Variants in PHF14 observed in about 807,000 individuals in gnomAD.
The protein encoded by PHF14 is PHD finger protein 14.
In PHF14, 55 loss-of-function variants were observed where a neutral mutation model predicts 117.9. The ratio of observed to expected loss-of-function variants is 0.47; its 90% confidence interval spans 0.38 to 0.58. The LOEUF (loss-of-function observed/expected upper bound fraction) is 0.58. PHF14 is among the 20% of genes least tolerant of loss of function. The pLI is 0.00. For synonymous variants in PHF14, 409 were observed against 368.6 expected (o/e 1.11, Z -1.26); for missense variants, 978 against 1,122.2 (o/e 0.87, Z 1.84).
intron 4 of PHF14, among the ~76,000 whole-genome samples, chr7:10,995,732 G>C (rs985686586): frequency 6.6e-6 from 1 of 152,216 alleles, no homozygotes; most frequent in Non-Finnish European, 1.5e-5. Context: ...GAATTTGAGA[G>C]CAGCGCCGGC....
chr7:11,004,157 G>A (rs1721143784), intron 4 of PHF14, among the ~76,000 whole-genome samples: 1 of 150,400 alleles, frequency 6.6e-6, no homozygotes, highest in Non-Finnish European at 1.5e-5. Flanking sequence ...CTGAGGCAGA[G>A]GATCGCTTGA....
intron 16 of PHF14, among the ~76,000 whole-genome samples, chr7:11,096,502 C>G (rs899339498): frequency 2.0e-5 from 3 of 152,072 alleles, no homozygotes; most frequent in Non-Finnish European, 4.4e-5. Flanking sequence ...GTTCCACTTA[C>G]AGGAGAAAGG....
chr7:11,095,644 AG>A, intron 16 of PHF14, among the ~76,000 whole-genome samples: 1 of 152,286 alleles, frequency 6.6e-6, no homozygotes, highest in South Asian at 2.1e-4. Flanking sequence ...ATGTTTTTTC[AG>A]TGGATTTTAA....
At chr7:11,101,540 A>G (rs1787092775) in intron 16 of PHF14, among the ~76,000 whole-genome samples, 1 of 151,910 alleles carries the variant, frequency 6.6e-6, no homozygotes, top group Non-Finnish European at 1.5e-5. Context: ...TATGTTGATA[A>G]ATACAACATG....
chr7:11,063,512 G>C, intron 16 of PHF14: 1 of 982,186 alleles, frequency 1.0e-6, no homozygotes, highest in Non-Finnish European at 1.2e-6. Context: ...CTATGATTTT[G>C]AAACAGTAGT....
chr7:11,063,202 TA>T (rs1785296642), intron 16 of PHF14: 1 of 982,256 alleles, frequency 1.0e-6, no homozygotes. Context: ...AGAAAGTTTA[TA>T]ATAATTGGCT....
chr7:11,005,143 A>G (rs1423120796), intron 4 of PHF14, among the ~76,000 whole-genome samples: 1 of 152,008 alleles, frequency 6.6e-6, no homozygotes, highest in Non-Finnish European at 1.5e-5. Context: ...CTGTGGGGTA[A>G]TAACTTTGAG....
At chr7:11,120,606 A>G (rs953511537) in intron 17 of PHF14, among the ~76,000 whole-genome samples, 12 of 152,014 alleles carry the variant, frequency 7.9e-5, no homozygotes, top group Non-Finnish European at 1.3e-4. Context: ...TTTTTAAACC[A>G]TGGCATTCAT....
At chr7:11,020,330 T>C (rs1209777812) in intron 5 of PHF14, among the ~76,000 whole-genome samples, 1 of 152,130 alleles carries the variant, frequency 6.6e-6, no homozygotes, top group African/African-American at 2.4e-5. Context: ...GCTCAAGCAG[T>C]CCTCCCACCT....
chr7:11,129,978 A>G (rs901718504), intron 17 of PHF14, among the ~76,000 whole-genome samples: 6 of 152,046 alleles, frequency 3.9e-5, no homozygotes, highest in Admixed American at 2.0e-4. Context: ...AGAAGTATTA[A>G]TTAGGATATG....
rs1411256241 is a variant in PHF14, at chr7:11,042,665, T to C, written c.2181-18T>C. The C allele has an allele frequency of 1.3e-6, 2 of 1,538,228 alleles. No individual in the cohort carries two copies. The highest frequency in any genetic ancestry group is 1.8e-6 in the Non-Finnish European group (2 of 1,135,466). On this transcript the variant is annotated intron_variant, in intron 12 of 17. Transcript: ENST00000634607. Reference sequence around the variant, plus strand: ...GATAATTATTATTGAAATCTTTACTTGCTGCCTTTATTAAAAGTTGTGGGA... The same window carrying C: ...GATAATTATTATTGAAATCTTTACTCGCTGCCTTTATTAAAAGTTGTGGGA...
chr7:11,151,276 C>T (rs1015093347), intron 17 of PHF14, among the ~76,000 whole-genome samples: 3 of 152,188 alleles, frequency 2.0e-5, no homozygotes, highest in African/African-American at 7.2e-5. Context: ...TAACTTCAGG[C>T]CAGGCACAGT....
intron 17 of PHF14, among the ~76,000 whole-genome samples, chr7:11,122,952 T>C (rs1408080898): frequency 6.6e-6 from 1 of 152,216 alleles, no homozygotes; most frequent in African/African-American, 2.4e-5. Context: ...AGAATCTTCC[T>C]CTATTATTCT....
intron 7 of PHF14, among the ~76,000 whole-genome samples, chr7:11,034,481 A>G (rs1206884107): frequency 6.6e-6 from 1 of 151,522 alleles, no homozygotes; most frequent in Non-Finnish European, 1.5e-5. Flanking sequence ...TTTTAGGGAA[A>G]GAGTTAAGGG....
intron 11 of PHF14, among the ~76,000 whole-genome samples, chr7:11,040,181 G>GAT (rs1784454131): frequency 6.6e-6 from 1 of 151,990 alleles, no homozygotes; most frequent in Admixed American, 6.6e-5. Flanking sequence ...AAATGACTTT[G>GAT]ATAGATGGTT....
intron 16 of PHF14, among the ~76,000 whole-genome samples, chr7:11,068,108 C>T (rs536488376): frequency 6.6e-6 from 1 of 151,972 alleles, no homozygotes; most frequent in Non-Finnish European, 1.5e-5. Flanking sequence ...CCCAGCACTT[C>T]GGAAGGCCAA....
At chr7:11,059,345 A>G (rs17149834) in intron 14 of PHF14, among the ~76,000 whole-genome samples, 1,986 of 152,324 alleles carry the variant, frequency 0.013, 43 homozygotes, top group East Asian at 0.1. Context: ...CATTACCTAA[A>G]AGATGAGTTG....
At position 11,062,010 on chromosome 7, in the gene PHF14, A is replaced by C; in HGVS notation, c.2579A>C (p.Lys860Thr). 6.2e-7 allele frequency: 1 copy of C among 1,605,590 alleles called. No individual in the cohort carries two copies. The highest frequency in any genetic ancestry group is 1.1e-5 in the South Asian group (1 of 89,432). The change falls in exon 16 of 18, where the codon AAG becomes ACG. Residue 860 changes from lysine (K) to threonine (T), a missense_variant. Coordinates refer to ENST00000634607, the MANE Select transcript of PHF14 (RefSeq NM_001007157.2). ...ERRQRQSVLQKKPKAEDLRTE... is the reference protein window; with the variant it reads ...ERRQRQSVLQTKPKAEDLRTE... ...AGACAAAGACAGTCTGTGTTGCAAA[A>C]GAAGCCCAAGGCTGAAGATTTAAGA... is the stretch of plus-strand genomic sequence containing the variant.
At chr7:11,054,132 A>G (rs1304224610) in intron 14 of PHF14, among the ~76,000 whole-genome samples, 1 of 151,464 alleles carries the variant, frequency 6.6e-6, no homozygotes, top group African/African-American at 2.4e-5. Context: ...TTTTGGTAGC[A>G]TAGAGTACTG....
Sources: allele counts gnomAD v4.1 joint callset (sites outside exome capture counted in the v4.1 genomes callset), GRCh38; gene constraint gnomAD v4.1.1; transcripts MANE v1.5; gene names NCBI Gene and HGNC (gene_info 2026-07-23, HGNC 2026-07-21).